Variants in GLIS3 observed in about 807,000 individuals in gnomAD.
GLIS3 encodes GLIS family zinc finger 3, also known as zinc finger protein GLIS3.
Under a neutral mutation model 78.6 loss-of-function variants are expected in GLIS3, and 53 were observed. That is an observed-to-expected ratio of 0.67 (90% CI 0.54 to 0.85). The LOEUF is 0.85. GLIS3 is among the 40% of genes least tolerant of loss of function. GLIS3 has a pLI of 0.00. For missense variants in GLIS3, 1,703 were observed against 1,231.1 expected, an observed-to-expected ratio of 1.38 and a Z score of -5.74; for synonymous variants, 684 against 509.9, an observed-to-expected ratio of 1.34 and a Z score of -4.60.
chr9:3,904,861 GCT>G (rs953589699), intron 6 of GLIS3, among the ~76,000 whole-genome samples: 2 of 152,100 alleles, frequency 1.3e-5, no homozygotes, highest in Admixed American at 1.3e-4. Flanking sequence ...CCCAAATTAT[GCT>G]CTCAGACATT....
intron 2 of GLIS3, among the ~76,000 whole-genome samples, chr9:4,284,001 C>T (rs1827777391): frequency 6.6e-6 from 1 of 152,344 alleles, no homozygotes; most frequent in South Asian, 2.1e-4. Context: ...AGCAGCACTA[C>T]TTCTGACAGG....
In GLIS3 at chr9:4,118,071, G is replaced by A. The variant is rs1224236092; in HGVS notation, c.1407C>T (p.His469=). The change falls in exon 4 of 11, where the codon CAC becomes CAT. Residue 469 remains histidine, a synonymous_variant. Transcript: ENST00000381971. This position sits in a 1 kb window ranked among gnomAD's most constrained non-coding sequence, Gnocchi z 4.7. ...PPPYHAHAHL[H]HPELGPHAQQ... Reference sequence around the variant, plus strand: ...GGGCGTGGGGCCCGAGCTCCGGGTGGTGAAGGTGCGCATGGGCATGGTAAG... The same window carrying A: ...GGGCGTGGGGCCCGAGCTCCGGGTGATGAAGGTGCGCATGGGCATGGTAAG... 7.0e-6 allele frequency: 11 copies of A among 1,573,522 alleles called. No individual in the cohort carries two copies. Among genetic ancestry groups the A allele is most frequent in the Admixed American group, 1.7e-5 (1 of 57,790 alleles).
chr9:4,153,431 G>T (rs946781314), intron 2 of GLIS3, among the ~76,000 whole-genome samples: 1 of 152,092 alleles, frequency 6.6e-6, no homozygotes, highest in Non-Finnish European at 1.5e-5. Flanking sequence ...AGGTGTGCTT[G>T]TGCACTCCTG....
At chr9:4,435,033 T>C in the GLIS3 span, among the ~76,000 whole-genome samples, 3 of 152,220 alleles carry the variant, frequency 2.0e-5, no homozygotes, top group Non-Finnish European at 4.4e-5. Context: ...ATTTGGGTTG[T>C]TCACAATCAT....
the GLIS3 span, among the ~76,000 whole-genome samples, chr9:4,414,445 T>C: frequency 6.6e-6 from 1 of 152,310 alleles, no homozygotes; most frequent in Admixed American, 6.5e-5. Flanking sequence ...TTAACCTCCT[T>C]ACACCTCGGT....
At chr9:3,841,625 G>A (rs1588065985) in intron 9 of GLIS3, among the ~76,000 whole-genome samples, 1 of 152,202 alleles carries the variant, frequency 6.6e-6, no homozygotes, top group Non-Finnish European at 1.5e-5. Flanking sequence ...GGATCAGAAT[G>A]AAGGGTGGAG....
intron 4 of GLIS3, among the ~76,000 whole-genome samples, chr9:4,113,514 T>C (rs1360040194): frequency 6.6e-6 from 1 of 152,182 alleles, no homozygotes; most frequent in Non-Finnish European, 1.5e-5. Flanking sequence ...AATTTATTCA[T>C]TATTGCCAAT....
chr9:4,409,380 T>C, the GLIS3 span, among the ~76,000 whole-genome samples: 90 of 152,282 alleles, frequency 5.9e-4, no homozygotes, highest in African/African-American at 2.1e-3. Context: ...ATTTTTTACT[T>C]AGGGATGTAG....
intron 7 of GLIS3, among the ~76,000 whole-genome samples, chr9:3,889,078 T>A (rs916388867): frequency 6.6e-6 from 1 of 152,044 alleles, no homozygotes; most frequent in Non-Finnish European, 1.5e-5. Context: ...ATTCAAGAAT[T>A]TGAGATACTT....
At chr9:4,477,645 C>A in the GLIS3 span, among the ~76,000 whole-genome samples, 97 of 152,186 alleles carry the variant, frequency 6.4e-4, no homozygotes, top group African/African-American at 2.3e-3. Context: ...AACTCCTGAG[C>A]TCAAGCGATC....
At chr9:3,880,112 C>T (rs183798320) in intron 7 of GLIS3, among the ~76,000 whole-genome samples, 41 of 152,214 alleles carry the variant, frequency 2.7e-4, no homozygotes, top group Admixed American at 3.3e-4. Context: ...CTAGCATGAA[C>T]GTAGGATCCT....
At chr9:4,053,133 G>A (rs933518065) in intron 4 of GLIS3, among the ~76,000 whole-genome samples, 1 of 152,004 alleles carries the variant, frequency 6.6e-6, no homozygotes, top group Admixed American at 6.6e-5. Flanking sequence ...TTTTTTGGTA[G>A]AGACAAGATT....
At chr9:4,142,351 C>G (rs1375900884) in intron 2 of GLIS3, among the ~76,000 whole-genome samples, 1 of 152,128 alleles carries the variant, frequency 6.6e-6, no homozygotes. Flanking sequence ...GTAAATAACA[C>G]ATAATAAACA....
chr9:4,275,456 C>T (rs1826895231), intron 2 of GLIS3, among the ~76,000 whole-genome samples: 1 of 152,066 alleles, frequency 6.6e-6, no homozygotes, highest in African/African-American at 2.4e-5. Flanking sequence ...TAAAACCACA[C>T]AGCACATAAA....
chr9:4,095,031 G>T (rs1487726395), intron 4 of GLIS3, among the ~76,000 whole-genome samples: 1 of 152,010 alleles, frequency 6.6e-6, no homozygotes, highest in Non-Finnish European at 1.5e-5. Context: ...TTTGTGTTGG[G>T]AACATTCAAT....
At chr9:4,082,720 A>C (rs1828661363) in intron 4 of GLIS3, among the ~76,000 whole-genome samples, 1 of 152,220 alleles carries the variant, frequency 6.6e-6, no homozygotes. Flanking sequence ...TCACCATCTT[A>C]TCTAACATTC....
At chr9:4,487,873 G>C in the GLIS3 span, among the ~76,000 whole-genome samples, 3 of 151,886 alleles carry the variant, frequency 2.0e-5, no homozygotes, top group African/African-American at 4.8e-5. Flanking sequence ...ATTAAGTTTT[G>C]TAGAATCAAG....
chr9:4,359,198 A>G, the GLIS3 span, among the ~76,000 whole-genome samples: 2 of 152,020 alleles, frequency 1.3e-5, no homozygotes, highest in East Asian at 1.9e-4. Context: ...AGGAACGCCC[A>G]CCGCTCTGCA....
chr9:4,404,656 G>A, the GLIS3 span, among the ~76,000 whole-genome samples: 79,443 of 151,962 alleles, frequency 0.52, 20,918 homozygotes, highest in East Asian at 0.68. Context: ...AAAACTGAAA[G>A]ATTTCTTGAA....
Sources: allele counts gnomAD v4.1 joint callset (sites outside exome capture counted in the v4.1 genomes callset), GRCh38; gene constraint gnomAD v4.1.1; non-coding constraint Gnocchi (gnomAD v3.1); transcripts MANE v1.5; gene names NCBI Gene and HGNC (gene_info 2026-07-23, HGNC 2026-07-21).